Variants in RALA observed in about 807,000 individuals in gnomAD.
The protein encoded by RALA is RAS like proto-oncogene A.
Under a neutral mutation model 24.0 loss-of-function variants are expected in RALA, and 5 were observed. That is an observed-to-expected ratio of 0.21 (90% CI 0.11 to 0.44). The LOEUF is 0.44. Among genes scored for constraint, RALA ranks in the 20% least tolerant of loss-of-function variants. RALA has a pLI of 0.99. For synonymous variants in RALA, 77 were observed against 83.8 expected, an observed-to-expected ratio of 0.92 and a Z score of 0.44; for missense variants, 95 against 241.2, an observed-to-expected ratio of 0.39 and a Z score of 4.01.
chr7:39,679,897 T>C (rs1792557899), intron 1 of RALA, among the ~76,000 whole-genome samples: 2 of 151,944 alleles, frequency 1.3e-5, no homozygotes, highest in Non-Finnish European at 2.9e-5. Flanking sequence ...TTTTAGTAGA[T>C]ATGTGGCTTC....
intron 1 of RALA, among the ~76,000 whole-genome samples, chr7:39,629,383 T>G (rs948088048): frequency 3.3e-5 from 5 of 152,186 alleles, no homozygotes; most frequent in African/African-American, 1.2e-4. Context: ...ATATTTATTT[T>G]TATTGTTCAT....
chr7:39,662,222 G>A (rs1482536849), intron 1 of RALA, among the ~76,000 whole-genome samples: 3 of 132,324 alleles, frequency 2.3e-5, no homozygotes, highest in East Asian at 4.2e-4. Flanking sequence ...AAAGGTCTCT[G>A]ACATACCCTG....
rs73381137 is a variant in RALA at position 39,639,980 on chromosome 7, G to A, written c.-38+16155G>A. Among the ~76,000 whole-genome samples, 1,160 of 152,136 alleles carry A rather than the reference G, an allele frequency of 7.6e-3. 15 individuals are homozygous for A. Among genetic ancestry groups the A allele is most frequent in the African/African-American group, 0.026 (1,087 of 41,440 alleles). On this transcript the variant is annotated intron_variant, in intron 1 of 4. Coordinates refer to ENST00000005257, the MANE Select transcript of RALA (RefSeq NM_005402.4). ...CAACATTATTTGAGAACCTGCTGTA[G>A]TCTTTTTTGACGTTAGTGTTTTTTC...
rs764972160 is a variant in RALA at position 39,706,200 on chromosome 7, G to A, written c.576G>A (p.Arg192=). The change falls in exon 5 of 5, where the codon AGG becomes AGA. Residue 192 remains arginine (R), a synonymous_variant. Transcript: ENST00000005257. Reference sequence around the variant, plus strand: ...AAGAAAAGAATGGAAAAAAGAAGAGGAAAAGTTTAGCCAAGAGAATCAGAG... The same window carrying A: ...AAGAAAAGAATGGAAAAAAGAAGAGAAAAAGTTTAGCCAAGAGAATCAGAG... ...DSKEKNGKKK[R]KSLAKRIRER... is the part of the protein sequence containing the mutation. 1.2e-6 allele frequency: 2 copies of A among 1,609,860 alleles called. No homozygotes were observed. The highest frequency in any genetic ancestry group is 2.2e-5 in the South Asian group (2 of 90,332).
At chr7:39,694,041 T>C (rs1482188407) in intron 3 of RALA, among the ~76,000 whole-genome samples, 1 of 152,234 alleles carries the variant, frequency 6.6e-6, no homozygotes, top group Non-Finnish European at 1.5e-5. Flanking sequence ...CTCATACTCA[T>C]GCAGCACTTA....
intron 1 of RALA, among the ~76,000 whole-genome samples, chr7:39,631,240 T>C (rs1050032772): frequency 1.3e-5 from 2 of 152,120 alleles, no homozygotes; most frequent in African/African-American, 2.4e-5. Context: ...ACTCCTGGCC[T>C]CAAGTGATCC....
chr7:39,702,409 G>C (rs966597019), intron 4 of RALA, among the ~76,000 whole-genome samples: 4 of 152,070 alleles, frequency 2.6e-5, no homozygotes, highest in Non-Finnish European at 5.9e-5. Flanking sequence ...TGTATATATA[G>C]AGCATATTTC....
chr7:39,647,786 G>T (rs189904181), intron 1 of RALA, among the ~76,000 whole-genome samples: 1 of 152,196 alleles, frequency 6.6e-6, no homozygotes, highest in Non-Finnish European at 1.5e-5. Flanking sequence ...GGAGGAAATG[G>T]GTCCTCACCA....
At chr7:39,700,460 G>T (rs749920102) in intron 4 of RALA, 1 of 152,330 alleles carries the variant, frequency 6.6e-6, no homozygotes, top group Non-Finnish European at 1.5e-5. Context: ...TTTTCCATGT[G>T]TGCTAGTTTA....
chr7:39,644,641 C>G (rs1583712093), intron 1 of RALA, among the ~76,000 whole-genome samples: 1 of 152,090 alleles, frequency 6.6e-6, no homozygotes, highest in South Asian at 2.1e-4. Flanking sequence ...CCCAGCTGTT[C>G]ATTTGGTTAC....
intron 1 of RALA, 22 bp from the exon 2 acceptor site, chr7:39,686,609 C>A: frequency 7.6e-7 from 1 of 1,321,306 alleles, no homozygotes; most frequent in Non-Finnish European, 1.1e-6. Context: ...CTGAGCATTA[C>A]TTATTCTTTC....
At chr7:39,671,550 G>A (rs1792388102) in intron 1 of RALA, among the ~76,000 whole-genome samples, 1 of 152,052 alleles carries the variant, frequency 6.6e-6, no homozygotes, top group African/African-American at 2.4e-5. Context: ...TCTTACATAT[G>A]CTGTTTTATT....
intron 1 of RALA, 71 bp from the exon 2 acceptor site, chr7:39,686,560 A>T: frequency 4.6e-6 from 4 of 867,146 alleles, no homozygotes; most frequent in Non-Finnish European, 7.5e-6. Flanking sequence ...CTCTAAGGAC[A>T]TATCTCTTTC....
intron 1 of RALA, among the ~76,000 whole-genome samples, chr7:39,683,062 A>G (rs1311741297): frequency 1.3e-5 from 2 of 152,216 alleles, no homozygotes; most frequent in Non-Finnish European, 2.9e-5. Flanking sequence ...GCTTTGTAAG[A>G]GGCAGCAAAC....
intron 2 of RALA, among the ~76,000 whole-genome samples, chr7:39,689,591 T>G (rs962784961): frequency 3.9e-5 from 6 of 152,068 alleles, no homozygotes; most frequent in Non-Finnish European, 7.4e-5. Flanking sequence ...CCCACAAATG[T>G]CTGTGTGTAA....
chr7:39,666,727 T>C (rs1292942249), intron 1 of RALA, among the ~76,000 whole-genome samples: 7 of 152,200 alleles, frequency 4.6e-5, no homozygotes, highest in Admixed American at 4.6e-4. Flanking sequence ...AAGAATTGGC[T>C]ATTCACCCGC....
intron 1 of RALA, among the ~76,000 whole-genome samples, chr7:39,678,120 C>T (rs57770125): frequency 0.014 from 2,079 of 150,096 alleles, 33 homozygotes; most frequent in African/African-American, 0.047. Flanking sequence ...GTGCAGCGCA[C>T]CAGCATGGCA....
chr7:39,676,973 G>A (rs1233590647), intron 1 of RALA, among the ~76,000 whole-genome samples: 1 of 152,148 alleles, frequency 6.6e-6, no homozygotes, highest in Non-Finnish European at 1.5e-5. Context: ...AATTCTGCCA[G>A]CATAATTAAG....
intron 1 of RALA, among the ~76,000 whole-genome samples, chr7:39,627,077 C>CTCT (rs1554294597): frequency 1.6e-4 from 23 of 145,898 alleles, no homozygotes; most frequent in Admixed American, 2.7e-4. Flanking sequence ...CTCTCTCTCT[C>CTCT]TTTTTTTTTT....
Sources: gnomAD v4.1 joint callset for allele counts (sites outside exome capture counted in the v4.1 genomes callset) on GRCh38, gnomAD v4.1.1 for gene constraint, MANE v1.5 for transcripts, NCBI Gene and HGNC (gene_info 2026-07-23, HGNC 2026-07-21) for gene names.